AKAP10: variants seen among roughly 807,000 people sequenced by gnomAD.
AKAP10 encodes A-kinase anchoring protein 10.
In AKAP10, 24 loss-of-function variants were observed where a neutral mutation model predicts 80.8. The ratio of observed to expected loss-of-function variants is 0.30; its 90% CI spans 0.22 to 0.42. AKAP10 has a LOEUF of 0.42. AKAP10 is among the 10% of genes least tolerant of loss of function. The pLI, the probability that AKAP10 is intolerant of heterozygous loss-of-function variation, is 1.00. For missense variants in AKAP10, 661 were observed against 794.9 expected, an observed-to-expected ratio of 0.83 and a Z score of 2.03; for synonymous variants, 291 against 277.7, an observed-to-expected ratio of 1.05 and a Z score of -0.48.
At chr17:19,934,513 A>G (rs958080328) in intron 9 of AKAP10, among the ~76,000 whole-genome samples, 1 of 152,140 alleles carries the variant, frequency 6.6e-6, no homozygotes, top group South Asian at 2.1e-4. Flanking sequence ...ACGCCCAGCT[A>G]ATTTTTGATA....
At chr17:19,949,149 G>A (rs150085016) in intron 4 of AKAP10, among the ~76,000 whole-genome samples, 1 of 152,112 alleles carries the variant, frequency 6.6e-6, no homozygotes, top group East Asian at 1.9e-4. Flanking sequence ...CTAAAACCAT[G>A]CTCTAAGAAA....
At chr17:19,909,828 T>C (rs2042669747) in intron 13 of AKAP10, 98 bp downstream of exon 13, 1 of 1,048,406 alleles carries the variant, frequency 9.5e-7, no homozygotes, top group Non-Finnish European at 1.4e-6. Context: ...CCATGCTGCT[T>C]AAACATGGGA....
At chr17:19,915,023 A>G (rs1290134447) in intron 12 of AKAP10, among the ~76,000 whole-genome samples, 1 of 152,230 alleles carries the variant, frequency 6.6e-6, no homozygotes, top group Non-Finnish European at 1.5e-5. Flanking sequence ...ATTAAGCAAT[A>G]ACGTATGCAT....
intron 3 of AKAP10, among the ~76,000 whole-genome samples, chr17:19,961,919 C>G (rs1364596327): frequency 6.6e-6 from 1 of 152,006 alleles, no homozygotes; most frequent in Non-Finnish European, 1.5e-5. Flanking sequence ...AGTTTGAGAC[C>G]AGCTTAGGCA....
At chr17:19,923,201 C>T (rs1020421577) in intron 11 of AKAP10, among the ~76,000 whole-genome samples, 5 of 151,950 alleles carry the variant, frequency 3.3e-5, no homozygotes, top group African/African-American at 7.2e-5. Flanking sequence ...CCTCAGCCTC[C>T]GGAGTAGCTG....
At chr17:19,927,012 A>G (rs1403324695) in intron 10 of AKAP10, among the ~76,000 whole-genome samples, 1 of 151,832 alleles carries the variant, frequency 6.6e-6, no homozygotes, top group Non-Finnish European at 1.5e-5. Flanking sequence ...AATCCCAGCT[A>G]CTCGGGAGGC....
chr17:19,966,449 T>C (rs535184654), intron 2 of AKAP10, among the ~76,000 whole-genome samples: 31 of 152,346 alleles, frequency 2.0e-4, no homozygotes, highest in African/African-American at 7.5e-4. Context: ...AGTTTTTGTC[T>C]AATGCCCAGA....
At chr17:19,966,782 A>C (rs1440229894) in intron 2 of AKAP10, among the ~76,000 whole-genome samples, 1 of 152,172 alleles carries the variant, frequency 6.6e-6, no homozygotes, top group Non-Finnish European at 1.5e-5. Context: ...TTAGAGTGGA[A>C]GACTGGTGTT....
rs149178777 is a variant in AKAP10, at chr17:19,925,824, A to G, written c.1642-1307T>C. 3.6e-3 allele frequency among the ~76,000 whole-genome samples: 551 copies of G among 152,296 alleles called. 2 individuals carry two copies. Among genetic ancestry groups the G allele is most frequent in the Admixed American group, 5.4e-3 (82 of 15,270 alleles). On this transcript the variant is annotated intron_variant, in intron 10 of 14. Coordinates refer to ENST00000225737, the MANE Select transcript of AKAP10 (RefSeq NM_007202.4). ...AATAAAGAGGGAATATTTCCCAACT[A>G]ATTCTATGAGGACTGTTACTCAGAT...
At chr17:19,968,192 C>A (rs1166725680) in intron 2 of AKAP10, among the ~76,000 whole-genome samples, 3 of 118,606 alleles carry the variant, frequency 2.5e-5, no homozygotes, top group Non-Finnish European at 3.3e-5. Context: ...CAGAGCAAGA[C>A]TCCGTCTCCA....
At chr17:19,943,684 T>C (rs530395182) in intron 5 of AKAP10, among the ~76,000 whole-genome samples, 1 of 152,348 alleles carries the variant, frequency 6.6e-6, no homozygotes, top group Admixed American at 6.5e-5. Flanking sequence ...AGCAAATTTA[T>C]TGAACCCAAG....
At chr17:19,962,774 C>G in intron 3 of AKAP10, 66 bp downstream of exon 3, 3 of 1,498,502 alleles carry the variant, frequency 2.0e-6, no homozygotes, top group East Asian at 4.6e-5. Context: ...TATCCTATGA[C>G]AGAAGTTTCA....
At chr17:19,945,746 C>T (rs2043096510) in intron 5 of AKAP10, among the ~76,000 whole-genome samples, 1 of 152,056 alleles carries the variant, frequency 6.6e-6, no homozygotes, top group Admixed American at 6.6e-5. Flanking sequence ...GTGCAAAGCA[C>T]CCACACTAAG....
At chr17:19,907,933 G>A (rs982455651) in intron 14 of AKAP10, among the ~76,000 whole-genome samples, 10 of 150,926 alleles carry the variant, frequency 6.6e-5, no homozygotes, top group African/African-American at 2.2e-4. Context: ...GTGCGATCTC[G>A]GCTCACTGCA....
chr17:19,918,474 G>C (rs1415596792), intron 12 of AKAP10, among the ~76,000 whole-genome samples: 1 of 152,150 alleles, frequency 6.6e-6, no homozygotes, highest in Non-Finnish European at 1.5e-5. Flanking sequence ...CGGGTGCACA[G>C]GCATGTGCCA....
chr17:19,941,179 C>G (rs2043047653), intron 6 of AKAP10, among the ~76,000 whole-genome samples, 169 bp from the exon 7 acceptor site: 1 of 152,186 alleles, frequency 6.6e-6, no homozygotes, highest in Non-Finnish European at 1.5e-5. Context: ...GTAATCTCTC[C>G]CACCTTTTTA....
At chr17:19,969,198 G>A (rs192597314) in intron 1 of AKAP10, among the ~76,000 whole-genome samples, 3 of 152,154 alleles carry the variant, frequency 2.0e-5, no homozygotes, top group Admixed American at 2.0e-4. Context: ...ACAAAACAAT[G>A]AGCTGGGTGT....
chr17:19,963,018 T>C lies in AKAP10; in HGVS notation c.141A>G (p.Ser47=), dbSNP rs754246793. The stretch of plus-strand genomic sequence containing the variant: ...TTTTTTGTGGGGAATGTACGGATAT[T>C]GAAGCTATAATTTTTCAAAAAATTG... ...KTSDVKSIKA[S]ISVHSPQKST... Residue 47 remains serine (S), a synonymous_variant, in exon 3 of 15, where the codon TCA becomes TCG. Transcript: ENST00000225737. 3.6e-5 allele frequency: 58 copies of C among 1,600,858 alleles called. No homozygotes were observed. In the Admixed American group the frequency reaches 9.6e-4, roughly 27 times the overall value.
At chr17:19,963,231 T>TTC (rs2043375269) in intron 2 of AKAP10, among the ~76,000 whole-genome samples, 2 of 124,438 alleles carry the variant, frequency 1.6e-5, no homozygotes, top group Non-Finnish European at 1.7e-5. Flanking sequence ...TTTTTTTTTT[T>TTC]CCCAGACAGA....
Sources: allele counts gnomAD v4.1 joint callset (sites outside exome capture counted in the v4.1 genomes callset), GRCh38; gene constraint gnomAD v4.1.1; transcripts MANE v1.5; gene names NCBI Gene and HGNC (gene_info 2026-07-23, HGNC 2026-07-21).